Variants in CWC27 observed in about 807,000 individuals in gnomAD.
CWC27 encodes the protein CWC27 spliceosome associated cyclophilin.
In CWC27, 47 loss-of-function variants were observed where a neutral mutation model predicts 63.6. The observed-to-expected ratio is 0.74, with a 90% CI of 0.58 to 0.94. The LOEUF (loss-of-function observed/expected upper bound fraction) is 0.94, where lower values mean the gene tolerates loss of function less well. Ranked by LOEUF, CWC27 falls within the 40% of genes least tolerant of loss-of-function variation. The pLI is 0.00. For synonymous variants in CWC27, 175 were observed against 179.8 expected (o/e 0.97, Z 0.22); for missense variants, 495 against 554.3 (o/e 0.89, Z 1.07).
chr5:64,987,877 A>G (rs1749465282), intron 13 of CWC27, among the ~76,000 whole-genome samples: 1 of 152,036 alleles, frequency 6.6e-6, no homozygotes, highest in South Asian at 2.1e-4. Context: ...TTGTTCTTGC[A>G]AGTTTGATTT....
At chr5:64,939,657 C>T (rs888393585) in intron 11 of CWC27, among the ~76,000 whole-genome samples, 1 of 152,218 alleles carries the variant, frequency 6.6e-6, no homozygotes, top group South Asian at 2.1e-4. Context: ...GCTGGGAGAT[C>T]GCTGCTCTCT....
intron 10 of CWC27, chr5:64,845,034 A>G (rs1158116429): frequency 2.2e-6 from 1 of 456,704 alleles, no homozygotes; most frequent in Non-Finnish European, 4.4e-6. Context: ...CCTGATGAGA[A>G]GCCATCACAG....
intron 13 of CWC27, among the ~76,000 whole-genome samples, chr5:64,987,641 T>C (rs1292729830): frequency 6.6e-6 from 1 of 152,212 alleles, no homozygotes; most frequent in Non-Finnish European, 1.5e-5. Flanking sequence ...CACAGATTAT[T>C]TTAGTTTTCC....
intron 10 of CWC27, among the ~76,000 whole-genome samples, chr5:64,831,104 T>C (rs2112263779): frequency 6.6e-6 from 1 of 152,196 alleles, no homozygotes; most frequent in East Asian, 1.9e-4. Context: ...TTTGTGTACT[T>C]CAGACATTCA....
intron 13 of CWC27, among the ~76,000 whole-genome samples, chr5:64,996,631 G>A (rs543398182): frequency 6.6e-6 from 1 of 152,134 alleles, no homozygotes; most frequent in East Asian, 1.9e-4. Context: ...ATTTGGTCAA[G>A]ATGTCATAAC....
intron 10 of CWC27, among the ~76,000 whole-genome samples, chr5:64,883,927 AT>A (rs1422064741): frequency 1.3e-5 from 2 of 152,212 alleles, no homozygotes; most frequent in Non-Finnish European, 2.9e-5. Flanking sequence ...ATCCTAGAGC[AT>A]TGTATCCCAA....
At chr5:64,811,426 T>C (rs538447545) in intron 10 of CWC27, among the ~76,000 whole-genome samples, 4 of 152,212 alleles carry the variant, frequency 2.6e-5, no homozygotes, top group African/African-American at 9.6e-5. Flanking sequence ...ATTGTGCAAT[T>C]TCTATCATCT....
At chr5:64,814,391 G>T (rs947388892) in intron 10 of CWC27, among the ~76,000 whole-genome samples, 9 of 152,124 alleles carry the variant, frequency 5.9e-5, no homozygotes, top group African/African-American at 1.9e-4. Flanking sequence ...AATAAGGGCT[G>T]TGAAGGGTTC....
intron 10 of CWC27, among the ~76,000 whole-genome samples, chr5:64,873,179 G>A (rs1005175504): frequency 3.9e-5 from 6 of 152,076 alleles, no homozygotes; most frequent in African/African-American, 1.4e-4. Flanking sequence ...GTTTTGTTTT[G>A]TTTCGTTCAC....
intron 11 of CWC27, among the ~76,000 whole-genome samples, chr5:64,912,453 T>C (rs1747810437): frequency 6.6e-6 from 1 of 152,086 alleles, no homozygotes; most frequent in Non-Finnish European, 1.5e-5. Flanking sequence ...AAAGGCAAGA[T>C]TGAGTAGACC....
At chr5:64,926,792 T>C (rs767066020) in intron 11 of CWC27, among the ~76,000 whole-genome samples, 5 of 152,204 alleles carry the variant, frequency 3.3e-5, no homozygotes, top group Non-Finnish European at 7.4e-5. Flanking sequence ...TTAACTTTCC[T>C]ACTATGAGCA....
At chr5:64,807,629 C>T in intron 10 of CWC27, 1 of 1,535,664 alleles carries the variant, frequency 6.5e-7, no homozygotes, top group Non-Finnish European at 8.7e-7. Context: ...ATCTTGACTA[C>T]TGGATACAGC....
chr5:64,983,513 T>C (rs1285964302), intron 13 of CWC27, among the ~76,000 whole-genome samples: 2 of 152,182 alleles, frequency 1.3e-5, no homozygotes, highest in Non-Finnish European at 2.9e-5. Context: ...TCATCTCTGG[T>C]CATTGAGTGT....
At chr5:64,832,310 T>G (rs2112265880) in intron 10 of CWC27, among the ~76,000 whole-genome samples, 1 of 151,972 alleles carries the variant, frequency 6.6e-6, no homozygotes, top group East Asian at 1.9e-4. Flanking sequence ...TTCAAAAACA[T>G]CTTTCAGTGT....
At chr5:64,909,232 C>T (rs1453605561) in intron 11 of CWC27, among the ~76,000 whole-genome samples, 2 of 152,076 alleles carry the variant, frequency 1.3e-5, no homozygotes, top group African/African-American at 4.8e-5. Flanking sequence ...TGGCTTGTAG[C>T]GTTTCTGCTG....
intron 11 of CWC27, among the ~76,000 whole-genome samples, chr5:64,907,163 C>T (rs544056905): frequency 1.3e-5 from 2 of 151,992 alleles, no homozygotes; most frequent in East Asian, 1.9e-4. Flanking sequence ...CTTTTTTGGT[C>T]CCATATGAAC....
chr5:64,933,200 C>A (rs1425732709), intron 11 of CWC27, among the ~76,000 whole-genome samples: 1 of 152,118 alleles, frequency 6.6e-6, no homozygotes, highest in African/African-American at 2.4e-5. Flanking sequence ...AGAATTGCTG[C>A]TCTAGTTGAT....
intron 11 of CWC27, among the ~76,000 whole-genome samples, chr5:64,926,417 C>T (rs898533376): frequency 2.6e-5 from 4 of 151,198 alleles, no homozygotes; most frequent in Non-Finnish European, 5.9e-5. Context: ...ATCAGTAAGA[C>T]CTATTTTGCC....
At chr5:65,004,514 G>A (rs1255683942) in intron 13 of CWC27, among the ~76,000 whole-genome samples, 1 of 146,300 alleles carries the variant, frequency 6.8e-6, no homozygotes, top group South Asian at 2.2e-4. Flanking sequence ...TTCATTGATT[G>A]AATTCTTCAG....
Sources: gnomAD v4.1 joint callset for allele counts (sites outside exome capture counted in the v4.1 genomes callset) on GRCh38, gnomAD v4.1.1 for gene constraint, MANE v1.5 for transcripts, NCBI Gene and HGNC (gene_info 2026-07-23, HGNC 2026-07-21) for gene names.